The following RABL3 variants were observed in gnomAD, a reference collection of about 807,000 sequenced individuals.
RABL3 encodes the protein RAB, member of RAS oncogene family like 3.
Under a neutral mutation model 31.8 loss-of-function variants are expected in RABL3, and 31 were observed. That is an observed-to-expected ratio of 0.97 (90% CI 0.73 to 1.31). The LOEUF (loss-of-function observed/expected upper bound fraction) is 1.31. Ranked by LOEUF, RABL3 falls within the 40% of genes most tolerant of loss-of-function variation. The probability of loss-of-function intolerance (pLI) is 0.00; values close to 1 mark genes in which losing one functional copy is unlikely to be tolerated. For synonymous variants in RABL3, 97 were observed against 99.9 expected (o/e 0.97, Z 0.18); for missense variants, 263 against 279.6 (o/e 0.94, Z 0.42).
chr3:120,727,635 G>C (rs920770487), intron 2 of RABL3, among the ~76,000 whole-genome samples: 1 of 152,046 alleles, frequency 6.6e-6, no homozygotes, highest in Non-Finnish European at 1.5e-5. Context: ...CCCACAATGA[G>C]ATTACAAGAA....
intron 2 of RABL3, among the ~76,000 whole-genome samples, chr3:120,725,202 A>AC (rs1437920719): frequency 6.6e-6 from 1 of 152,238 alleles, no homozygotes; most frequent in African/African-American, 2.4e-5. Flanking sequence ...AAAAATGCTC[A>AC]CCATCACTGG....
intron 2 of RABL3, among the ~76,000 whole-genome samples, chr3:120,711,160 T>C (rs1412027369): frequency 2.0e-5 from 3 of 152,156 alleles, no homozygotes; most frequent in African/African-American, 4.8e-5. Context: ...ATCTCTCTGA[T>C]TTCTAATTGC....
chr3:120,722,709 C>G (rs767650618), intron 2 of RABL3: 3 of 151,906 alleles, frequency 2.0e-5, no homozygotes, highest in Admixed American at 6.6e-5. Context: ...GGGTACATAA[C>G]GAAATGAAGG....
chr3:120,693,742 A>G (rs1448990298), intron 6 of RABL3, among the ~76,000 whole-genome samples: 1 of 152,232 alleles, frequency 6.6e-6, no homozygotes, highest in East Asian at 1.9e-4. Flanking sequence ...AGGTAACAGT[A>G]ACATTTATGT....
At chr3:120,690,625 A>C (rs1708369588) in intron 6 of RABL3, 138 bp from the exon 7 acceptor site, 4 of 577,910 alleles carry the variant, frequency 6.9e-6, no homozygotes, top group Non-Finnish European at 9.3e-6. Context: ...TAGTACAGTC[A>C]GCTAAAAATC....
intron 2 of RABL3, among the ~76,000 whole-genome samples, chr3:120,729,803 T>C (rs896577560): frequency 3.9e-5 from 6 of 151,972 alleles, no homozygotes; most frequent in African/African-American, 1.4e-4. Flanking sequence ...AAAAATCTCA[T>C]AGAAAGTCAA....
chr3:120,730,536 A>G lies in RABL3; in HGVS notation c.138+160T>C, dbSNP rs1383485240. On this transcript the variant is annotated intron_variant, in intron 2 of 7. Coordinates refer to ENST00000273375, the MANE Select transcript of RABL3 (RefSeq NM_173825.5). ...TTTTAAAAAGGTGAAATAAGAAGGG[A>G]CATGTAAAGCAACTGGCATAGTACC... 3.3e-5 allele frequency among the ~76,000 whole-genome samples: 5 copies of G among 152,330 alleles called. No individual in the cohort carries two copies. The East Asian group carries it at 9.6e-4, about 29-fold the overall frequency.
At chr3:120,703,489 C>T (rs980218116) in intron 4 of RABL3, among the ~76,000 whole-genome samples, 2 of 151,714 alleles carry the variant, frequency 1.3e-5, no homozygotes, top group African/African-American at 2.4e-5. Context: ...GGCAAAAATG[C>T]AAGGTATCCA....
intron 4 of RABL3, among the ~76,000 whole-genome samples, 199 bp downstream of exon 4, chr3:120,705,801 T>C (rs1708541257): frequency 6.6e-6 from 1 of 151,858 alleles, no homozygotes; most frequent in South Asian, 2.1e-4. Flanking sequence ...AAAAGCACAA[T>C]CCATAGAAGA....
chr3:120,742,517 G>A (rs374145473), upstream of RABL3: 4 of 1,614,076 alleles, frequency 2.5e-6, no homozygotes, highest in South Asian at 4.4e-5. Flanking sequence ...TCTTGCCACT[G>A]CCTTCCCTGG....
intron 5 of RABL3, among the ~76,000 whole-genome samples, chr3:120,695,542 T>A (rs377548379): frequency 3.9e-5 from 6 of 152,138 alleles, no homozygotes; most frequent in African/African-American, 1.4e-4. Context: ...ATATTAGTCC[T>A]CCTCTCTTCA....
rs1411676302 is a variant in RABL3 at position 120,689,351 on chromosome 3, T to C, written c.*472A>G. ...TAACACCATTTTGCATCTTTGAAAA[T>C]GACAGAGATTGTTTGGGGTAGACAA... On this transcript the variant is annotated 3_prime_UTR_variant, in exon 8 of 8. Transcript: ENST00000273375. 6.6e-6 allele frequency: 1 copy of C among 152,342 alleles called. No individual in the cohort carries two copies. The highest frequency in any genetic ancestry group is 1.5e-5 in the Non-Finnish European group (1 of 68,168). The allele number at this position is 152,342 out of a possible 1,614,324, so 9.4% of individuals were successfully genotyped here. A position where few individuals can be genotyped will look rare whatever the true frequency, so the allele number is the denominator to read the frequency against.
chr3:120,715,136 C>T (rs1249389809), intron 2 of RABL3, among the ~76,000 whole-genome samples: 2 of 152,160 alleles, frequency 1.3e-5, no homozygotes, highest in Non-Finnish European at 2.9e-5. Flanking sequence ...CTTAAGCCAC[C>T]CATTCAATCA....
intron 3 of RABL3, among the ~76,000 whole-genome samples, chr3:120,706,518 G>A (rs1708550292): frequency 6.6e-6 from 1 of 151,440 alleles, no homozygotes; most frequent in African/African-American, 2.4e-5. Context: ...ACTGTACACA[G>A]TACTGCCATA....
At chr3:120,719,605 G>A (rs1376097889) in intron 2 of RABL3, among the ~76,000 whole-genome samples, 1 of 152,230 alleles carries the variant, frequency 6.6e-6, no homozygotes, top group Non-Finnish European at 1.5e-5. Flanking sequence ...CTCATTGCTA[G>A]CACAGCAGTC....
intron 1 of RABL3, among the ~76,000 whole-genome samples, chr3:120,741,507 G>A (rs1709042534): frequency 6.6e-6 from 1 of 152,100 alleles, no homozygotes; most frequent in Admixed American, 6.5e-5. Context: ...CCAGAGGAGC[G>A]CTTCTATAAA....
Position 120,737,564 on chromosome 3 carries a change from G to A in RABL3, c.46+4898C>T, listed in dbSNP as rs542596385. Among the ~76,000 whole-genome samples the A allele has an allele frequency of 5.9e-5, 9 of 152,328 alleles. No individual in the cohort carries two copies. In the South Asian group the frequency reaches 1.7e-3, roughly 28 times the overall value. ...CATCCAGCTTTGTTCCTTTGCTGGC[G>A]AGGAGCTGCGTTTCTTTGCAGGGGG... On this transcript the variant is annotated intron_variant, in intron 1 of 7. Transcript: ENST00000273375.
intron 1 of RABL3, chr3:120,738,507 C>T (rs140720966): frequency 2.0e-5 from 3 of 152,838 alleles, no homozygotes; most frequent in East Asian, 3.9e-4. Flanking sequence ...TGACAAGCCC[C>T]AGTGAAATGA....
chr3:120,706,322 C>G (rs909063069), intron 3 of RABL3, among the ~76,000 whole-genome samples: 7 of 152,046 alleles, frequency 4.6e-5, no homozygotes, highest in Non-Finnish European at 1.0e-4. Context: ...AGTTTTATAA[C>G]TCTTTATTTT....
Sources: allele counts gnomAD v4.1 joint callset (sites outside exome capture counted in the v4.1 genomes callset), GRCh38; gene constraint gnomAD v4.1.1; transcripts MANE v1.5; gene names NCBI Gene and HGNC (gene_info 2026-07-23, HGNC 2026-07-21).